Variants in PIN4 observed in about 807,000 individuals in gnomAD.
PIN4 encodes peptidyl-prolyl cis-trans isomerase NIMA-interacting 4.
Under a neutral mutation model 8.3 loss-of-function variants are expected in PIN4, and 3 were observed. The observed-to-expected ratio is 0.36, with a 90% CI of 0.16 to 0.93. PIN4 has a LOEUF of 0.93. Among genes scored for constraint, PIN4 ranks in the 40% least tolerant of loss-of-function variants. The pLI is 0.44. For synonymous variants in PIN4, 18 were observed against 32.5 expected (o/e 0.55, Z 1.52); for missense variants, 75 against 100.6 (o/e 0.75, Z 1.09).
intron 1 of PIN4, among the ~76,000 whole-genome samples, chrX:72,182,469 G>A (rs1280583383): frequency 9.1e-6 from 1 of 110,302 alleles, no homozygotes; most frequent in Non-Finnish European, 1.9e-5. Flanking sequence ...GCTTGAACTC[G>A]GGAGGCAGAG....
chrX:72,206,226 T>C lies in PIN4; in HGVS notation c.312+9322T>C, dbSNP rs138817796. The C allele has an allele frequency of 2.3e-5, 28 of 1,208,670 alleles. No homozygotes were observed. The African/African-American group carries it at 4.0e-4, about 17-fold the overall frequency. On this transcript the variant is annotated intron_variant, in intron 3 of 3. Coordinates refer to the PIN4 transcript ENST00000423432. ...CCTCTTGCTTAGGCCCCTCTTGTAA[T>C]GTCTCTTTTTGTACAGCTTCATTTT...
rs73624223 is a variant in PIN4, at chrX:72,239,183, G to C, written c.313-23524G>C. On this transcript the variant is annotated intron_variant, in intron 3 of 3. Coordinates refer to the PIN4 transcript ENST00000423432. Reference sequence around the variant, plus strand: ...GAAGCAGAAGGTGATCTCTGCCTTCGAGACACGGAGTGTGCTGCCTCAGTC... The same window carrying C: ...GAAGCAGAAGGTGATCTCTGCCTTCCAGACACGGAGTGTGCTGCCTCAGTC... 315 of 356,754 alleles carry C rather than the reference G, an allele frequency of 8.8e-4. 1 individual carries two copies. The highest frequency in any genetic ancestry group is 7.1e-3 in the African/African-American group (278 of 39,032). 29.4% of individuals were successfully genotyped at this position (356,754 alleles called of 1,213,427 possible).
chrX:72,205,460 C>T, intron 3 of PIN4: 1 of 1,211,691 alleles, frequency 8.3e-7, no homozygotes, highest in Non-Finnish European at 1.1e-6. Flanking sequence ...TGGTCTAAAA[C>T]CATATTAATA....
chrX:72,215,545 G>A (rs1175173112), intron 3 of PIN4, among the ~76,000 whole-genome samples: 1 of 111,988 alleles, frequency 8.9e-6, no homozygotes, highest in East Asian at 2.8e-4. Flanking sequence ...ATGTGATAAA[G>A]TGAGTATAGT....
chrX:72,231,121 C>G (rs969347372), intron 3 of PIN4, among the ~76,000 whole-genome samples: 4 of 112,259 alleles, frequency 3.6e-5, no homozygotes, highest in African/African-American at 1.3e-4. Context: ...TACCTGCACT[C>G]CCGTGTTCAC....
At chrX:72,238,819 G>C in intron 3 of PIN4, 1 of 1,171,694 alleles carries the variant, frequency 8.5e-7, no homozygotes, top group Non-Finnish European at 1.1e-6. Flanking sequence ...CGGTTAGCTA[G>C]ACCCGCCCAG....
At chrX:72,249,679 C>T (rs747544554) in intron 3 of PIN4, among the ~76,000 whole-genome samples, 34 of 111,960 alleles carry the variant, frequency 3.0e-4, no homozygotes, top group African/African-American at 1.1e-3. Flanking sequence ...CAGAATGTTA[C>T]ATACTGCTTG....
intron 3 of PIN4, among the ~76,000 whole-genome samples, chrX:72,217,599 G>T (rs1332458556): frequency 2.7e-5 from 3 of 111,222 alleles, no homozygotes; most frequent in Non-Finnish European, 5.6e-5. Context: ...TGCATATATT[G>T]TGAAATATAC....
chrX:72,251,119 A>G (rs1644053847), intron 3 of PIN4, among the ~76,000 whole-genome samples: 1 of 105,338 alleles, frequency 9.5e-6, no homozygotes, highest in Non-Finnish European at 2.0e-5. Context: ...GCACTTTGGG[A>G]GGCAGAGGCG....
rs964676337 is a variant in PIN4 at position 72,197,837 on chromosome X, C to G, written c.*311C>G. ...TCTCAGTCTGTCCCATAAATTAATT[C>G]AGAAACCATCTTCAGGGGAAGCAGA... On this transcript the variant is annotated 3_prime_UTR_variant, in exon 4 of 4. Coordinates refer to ENST00000373669, the MANE Select transcript of PIN4 (RefSeq NM_006223.4). 21 of 778,494 alleles carry G rather than the reference C, an allele frequency of 2.7e-5. No individual in the cohort carries two copies. Among genetic ancestry groups the G allele is most frequent in the Non-Finnish European group, 3.2e-5 (21 of 653,227 alleles). The allele number at this position is 778,494 out of a possible 1,213,427, so 64.2% of individuals were successfully genotyped here. A position where few individuals can be genotyped will look rare whatever the true frequency, so the allele number is the denominator to read the frequency against.
chrX:72,238,162 CTT>C (rs1328050335), intron 3 of PIN4, among the ~76,000 whole-genome samples: 1 of 111,824 alleles, frequency 8.9e-6, no homozygotes, highest in Non-Finnish European at 1.9e-5. Flanking sequence ...GGATGATAAA[CTT>C]TATTTTTCAT....
intron 3 of PIN4, among the ~76,000 whole-genome samples, chrX:72,231,324 G>A (rs1268518963): frequency 3.6e-5 from 4 of 111,669 alleles, no homozygotes; most frequent in Non-Finnish European, 7.5e-5. Context: ...GGCACGGAGA[G>A]ACAAATACTC....
chrX:72,239,873 T>TC (rs1333396113), intron 3 of PIN4, among the ~76,000 whole-genome samples: 1 of 107,380 alleles, frequency 9.3e-6, no homozygotes, highest in Non-Finnish European at 1.9e-5. Flanking sequence ...CACTTAGGAG[T>TC]TCGAGACCAG....
At chrX:72,218,789 G>T (rs1323296715) in intron 3 of PIN4, among the ~76,000 whole-genome samples, 1 of 112,391 alleles carries the variant, frequency 8.9e-6, no homozygotes, top group African/African-American at 3.2e-5. Context: ...ACTTTGGGAA[G>T]TATTGCCATT....
At chrX:72,201,987 C>T (rs764112868), downstream of PIN4, among the ~76,000 whole-genome samples, 54 of 112,785 alleles carry the variant, frequency 4.8e-4, no homozygotes, top group African/African-American at 1.5e-3. Flanking sequence ...CCATTGGTTA[C>T]TTGGGGTATA....
intron 3 of PIN4, chrX:72,207,479 A>G: frequency 8.3e-7 from 1 of 1,210,290 alleles, no homozygotes; most frequent in Non-Finnish European, 1.1e-6. Context: ...TGAGCAGAGA[A>G]TGTCCCAAGA....
chrX:72,220,935 C>T lies in PIN4; in HGVS notation c.312+24031C>T, dbSNP rs111390506. 5.8e-3 allele frequency among the ~76,000 whole-genome samples: 644 copies of T among 111,805 alleles called. 3 individuals are homozygous for T. The highest frequency in any genetic ancestry group is 9.2e-3 in the Non-Finnish European group (491 of 53,140). ...CTGGGGGCAGAGGCTCTCTTGCAAC[C>T]CAGGAAGCAGTGGGCAACGGCAGCT... On this transcript the variant is annotated intron_variant, in intron 3 of 3. Coordinates refer to the PIN4 transcript ENST00000423432.
chrX:72,198,456 TGAGAA>T, downstream of PIN4: 1 of 289,607 alleles, frequency 3.5e-6, no homozygotes, highest in Non-Finnish European at 4.7e-6. Context: ...CTTTCCCACT[TGAGAA>T]GAGTTTCTGA....
intron 1 of PIN4, 198 bp downstream of exon 1, chrX:72,182,026 A>AT: frequency 6.7e-6 from 3 of 445,472 alleles, no homozygotes; most frequent in Non-Finnish European, 1.2e-5. Flanking sequence ...TCTGATGGGG[A>AT]TAGTTCCTCG....
Sources: allele counts gnomAD v4.1 joint callset (sites outside exome capture counted in the v4.1 genomes callset), GRCh38; gene constraint gnomAD v4.1.1; transcripts MANE v1.5; gene names NCBI Gene and HGNC (gene_info 2026-07-23, HGNC 2026-07-21).